PHKB: variants seen among roughly 807,000 people sequenced by gnomAD.
The protein encoded by PHKB is phosphorylase kinase regulatory subunit beta, also known as phosphorylase b kinase regulatory subunit beta.
PHKB carries 122 observed loss-of-function variants against 152.1 expected under a neutral mutation model. The ratio of observed to expected loss-of-function variants is 0.80; its 90% confidence interval spans 0.69 to 0.93. PHKB has a LOEUF of 0.93. PHKB is among the 40% of genes least tolerant of loss of function. PHKB has a pLI of 0.00. For missense variants in PHKB, 1,304 were observed against 1,328.4 expected (o/e 0.98, Z 0.29); for synonymous variants, 436 against 464.9 (o/e 0.94, Z 0.80).
chr16:47,650,090 C>T, intron 18 of PHKB, among the ~76,000 whole-genome samples: 1 of 152,022 alleles, frequency 6.6e-6, no homozygotes, highest in Non-Finnish European at 1.5e-5. Context: ...CCCCTGAGGC[C>T]ATTCTTGAAC....
rs190829306 is a variant in PHKB at position 47,516,360 on chromosome 16, A to G, written c.594+759A>G. ...TCATGTTTTTCAAAAGACAAATACC[A>G]TGTTCTTATTCTTATTAGGAAAATT... On this transcript the variant is annotated intron_variant, in intron 6 of 30. Coordinates refer to ENST00000323584, the MANE Select transcript of PHKB (RefSeq NM_000293.3). Among the ~76,000 whole-genome samples, 32 of 152,338 alleles carry G rather than the reference A, an allele frequency of 2.1e-4. No individual in the cohort carries two copies. The East Asian group carries it at 4.8e-3, about 23-fold the overall frequency.
chr16:47,505,871 A>G (rs1006803602), intron 4 of PHKB, among the ~76,000 whole-genome samples: 4 of 151,876 alleles, frequency 2.6e-5, no homozygotes, highest in African/African-American at 9.7e-5. Flanking sequence ...CGTCTCTACC[A>G]AAAATACAAA....
At chr16:47,537,872 TTCTCTCTCTCTCTC>T (rs34841624) in intron 6 of PHKB, among the ~76,000 whole-genome samples, 1 of 143,438 alleles carries the variant, frequency 7.0e-6, no homozygotes, top group Admixed American at 7.0e-5. Context: ...ACGTGGAAAA[TTCTCTCTCTCTCTC>T]TCTCTCTCTC....
chr16:47,489,207 A>G (rs1431475115), intron 1 of PHKB, among the ~76,000 whole-genome samples: 3 of 152,164 alleles, frequency 2.0e-5, no homozygotes, highest in African/African-American at 7.2e-5. Context: ...GCATGCCACC[A>G]TGGCTGGCTA....
intron 6 of PHKB, among the ~76,000 whole-genome samples, chr16:47,538,492 T>G (rs1970994460): frequency 1.3e-5 from 2 of 152,224 alleles, no homozygotes; most frequent in South Asian, 2.1e-4. Flanking sequence ...TAACTCACAC[T>G]CTCTTCTATT....
chr16:47,665,914 T>G (rs774905992), intron 25 of PHKB: 4 of 1,532,142 alleles, frequency 2.6e-6, no homozygotes, highest in Non-Finnish European at 3.6e-6. Flanking sequence ...TTTGTGAACA[T>G]CTGGCCTGCT....
intron 12 of PHKB, among the ~76,000 whole-genome samples, chr16:47,595,760 G>A (rs1403331276): frequency 6.6e-6 from 1 of 152,104 alleles, no homozygotes; most frequent in African/African-American, 2.4e-5. Context: ...ATGTTGTTGA[G>A]GGAGATTATG....
intron 26 of PHKB, among the ~76,000 whole-genome samples, chr16:47,680,074 T>G (rs1382196170): frequency 2.0e-5 from 3 of 152,260 alleles, no homozygotes; most frequent in Admixed American, 1.3e-4. Flanking sequence ...ATTACATTTA[T>G]TGATTTTCAT....
intron 1 of PHKB, among the ~76,000 whole-genome samples, chr16:47,487,843 A>T (rs1416709766): frequency 6.6e-6 from 1 of 152,126 alleles, no homozygotes; most frequent in Non-Finnish European, 1.5e-5. Flanking sequence ...TCCAATGTTG[A>T]TGGGCTCCTG....
chr16:47,464,988 T>A (rs1431517396), intron 1 of PHKB, among the ~76,000 whole-genome samples: 1 of 152,186 alleles, frequency 6.6e-6, no homozygotes, highest in African/African-American at 2.4e-5. Flanking sequence ...TGTTTCTCCC[T>A]CTTCATTCAT....
intron 6 of PHKB, among the ~76,000 whole-genome samples, chr16:47,545,017 A>C (rs894741509): frequency 1.3e-5 from 2 of 152,152 alleles, no homozygotes; most frequent in South Asian, 2.1e-4. Flanking sequence ...TCCTGAGTAC[A>C]GCATACTGAT....
chr16:47,698,528 C>T lies in PHKB; in HGVS notation c.3084C>T (p.Val1028=). The change falls in exon 30 of 31, where the codon GTC becomes GTT. Residue 1028 remains valine (V), a synonymous_variant. Coordinates refer to ENST00000323584, the MANE Select transcript of PHKB (RefSeq NM_000293.3). ...FQDKVDLDRL[V]KEAFNEFQKD... is the part of the protein sequence containing the mutation. ...ACAAAGTAGATCTAGACAGACTGGT[C>T]AAAGAAGCATTTAATGAATTTCAAA... 6.4e-7 allele frequency: 1 copy of T among 1,551,372 alleles called. No homozygotes were observed. Among genetic ancestry groups the T allele is most frequent in the South Asian group, 1.1e-5 (1 of 89,978 alleles).
chr16:47,478,002 A>T (rs1969898516), intron 1 of PHKB, among the ~76,000 whole-genome samples: 1 of 150,948 alleles, frequency 6.6e-6, no homozygotes. Flanking sequence ...ATATACTTTT[A>T]AATAAAATAG....
chr16:47,562,829 G>T (rs1308090261), intron 7 of PHKB, among the ~76,000 whole-genome samples: 2 of 152,158 alleles, frequency 1.3e-5, no homozygotes, highest in African/African-American at 2.4e-5. Context: ...ACCCACATTA[G>T]AACTTTTCTC....
intron 7 of PHKB, among the ~76,000 whole-genome samples, chr16:47,570,832 G>A (rs1971645852): frequency 1.3e-5 from 2 of 152,044 alleles, no homozygotes; most frequent in Non-Finnish European, 2.9e-5. Context: ...ATGTATTGGG[G>A]AGGGGGTAGT....
intron 7 of PHKB, among the ~76,000 whole-genome samples, chr16:47,557,307 C>T (rs910277490): frequency 1.3e-5 from 2 of 152,178 alleles, no homozygotes; most frequent in Non-Finnish European, 2.9e-5. Context: ...CATTACCATT[C>T]AGGACATAGG....
chr16:47,642,049 C>A (rs537276880), intron 16 of PHKB, among the ~76,000 whole-genome samples: 14 of 151,782 alleles, frequency 9.2e-5, no homozygotes, highest in Non-Finnish European at 1.6e-4. Context: ...TTTTTTTCCT[C>A]TTATCAAAAT....
intron 9 of PHKB, among the ~76,000 whole-genome samples, chr16:47,588,415 C>T (rs1334648552): frequency 5.9e-5 from 9 of 151,410 alleles, no homozygotes; most frequent in African/African-American, 2.2e-4. Flanking sequence ...TATTTTTAGA[C>T]ATATATAATA....
intron 4 of PHKB, among the ~76,000 whole-genome samples, chr16:47,504,099 A>G (rs12149656): frequency 0.069 from 10,499 of 152,228 alleles, 702 homozygotes; most frequent in South Asian, 0.36. Flanking sequence ...AGTTGTGGCT[A>G]TGGTTTATTA....
Sources: allele counts gnomAD v4.1 joint callset (sites outside exome capture counted in the v4.1 genomes callset), GRCh38; gene constraint gnomAD v4.1.1; transcripts MANE v1.5; gene names NCBI Gene and HGNC (gene_info 2026-07-23, HGNC 2026-07-21).